KCNJ3: variants seen among roughly 807,000 people sequenced by gnomAD.
KCNJ3 encodes the protein potassium inwardly rectifying channel subfamily J member 3.
KCNJ3 carries 4 observed loss-of-function variants against 39.2 expected under a neutral mutation model. That is an observed-to-expected ratio of 0.10 (90% CI 0.05 to 0.23). The LOEUF (loss-of-function observed/expected upper bound fraction) is 0.23. KCNJ3 is among the 10% of genes least tolerant of loss of function. The pLI, the probability that KCNJ3 is intolerant of heterozygous loss-of-function variation, is 1.00. For missense variants in KCNJ3, 276 were observed against 634.9 expected, an observed-to-expected ratio of 0.43 and a Z score of 6.08; for synonymous variants, 230 against 237.4, an observed-to-expected ratio of 0.97 and a Z score of 0.29.
chr2:154,711,236 G>T (rs1197643937), intron 2 of KCNJ3, among the ~76,000 whole-genome samples: 1 of 151,726 alleles, frequency 6.6e-6, no homozygotes, highest in Non-Finnish European at 1.5e-5. Context: ...ATATATAAAG[G>T]CTCGTAGTCC....
chr2:154,736,572 C>T (rs1685534563), intron 2 of KCNJ3, among the ~76,000 whole-genome samples: 1 of 151,862 alleles, frequency 6.6e-6, no homozygotes, highest in Non-Finnish European at 1.5e-5. Flanking sequence ...GAGGGTTTTA[C>T]AATGTATATA....
chr2:154,830,725 A>C (rs1687347514), intron 2 of KCNJ3, among the ~76,000 whole-genome samples: 1 of 152,052 alleles, frequency 6.6e-6, no homozygotes, highest in Non-Finnish European at 1.5e-5. Flanking sequence ...AATTGTTCTT[A>C]GTTTAATGGC....
intron 2 of KCNJ3, among the ~76,000 whole-genome samples, chr2:154,831,398 C>T (rs951235853): frequency 2.6e-5 from 4 of 152,074 alleles, no homozygotes; most frequent in South Asian, 4.2e-4. Flanking sequence ...TTAATAATTA[C>T]GGTAGTAATA....
chr2:154,734,137 A>G (rs1365365108), intron 2 of KCNJ3, among the ~76,000 whole-genome samples: 1 of 152,232 alleles, frequency 6.6e-6, no homozygotes, highest in Non-Finnish European at 1.5e-5. Flanking sequence ...TTCTAACAGA[A>G]AAGAATATTT....
intron 2 of KCNJ3, among the ~76,000 whole-genome samples, chr2:154,714,334 C>T (rs1037564368): frequency 1.3e-5 from 2 of 150,422 alleles, no homozygotes; most frequent in African/African-American, 5.0e-5. Context: ...ACATTTTCCC[C>T]GCTTTCTCTC....
Position 154,758,798 on chromosome 2 carries a change from T to A in KCNJ3, c.919+48979T>A, listed in dbSNP as rs188379355. Reference sequence around the variant, plus strand: ...AATTGTGACTTGAATCAAATGCTGATCTCCATACTGGATTAAACATTAAAC... The same window carrying A: ...AATTGTGACTTGAATCAAATGCTGAACTCCATACTGGATTAAACATTAAAC... On this transcript the variant is annotated intron_variant, in intron 2 of 2. Coordinates refer to ENST00000295101, the MANE Select transcript of KCNJ3 (RefSeq NM_002239.4). Among the ~76,000 whole-genome samples, 115 of 152,252 alleles carry A rather than the reference T, an allele frequency of 7.6e-4. No homozygotes were observed. In the Middle Eastern group the frequency reaches 0.017, roughly 23 times the overall value.
intron 2 of KCNJ3, among the ~76,000 whole-genome samples, chr2:154,820,948 A>T (rs1298074391): frequency 6.6e-6 from 1 of 152,024 alleles, no homozygotes. Flanking sequence ...GAAACAAGAG[A>T]TTTTATTTTC....
chr2:154,721,224 G>T (rs1225689923), intron 2 of KCNJ3, among the ~76,000 whole-genome samples: 2 of 151,948 alleles, frequency 1.3e-5, no homozygotes, highest in African/African-American at 2.4e-5. Flanking sequence ...CAAAAGGTCA[G>T]GTCTTTTAAG....
intron 2 of KCNJ3, among the ~76,000 whole-genome samples, chr2:154,812,462 T>A (rs960534498): frequency 6.6e-6 from 1 of 152,170 alleles, no homozygotes; most frequent in Non-Finnish European, 1.5e-5. Flanking sequence ...AATCTCTAGC[T>A]AAGCTTTCCT....
chr2:154,758,395 G>A (rs1448302179), intron 2 of KCNJ3, among the ~76,000 whole-genome samples: 1 of 152,036 alleles, frequency 6.6e-6, no homozygotes, highest in Admixed American at 6.6e-5. Flanking sequence ...CAAATATGTG[G>A]GTGCTGAAGT....
intron 2 of KCNJ3, among the ~76,000 whole-genome samples, chr2:154,736,271 T>A (rs1685526885): frequency 6.6e-6 from 1 of 151,064 alleles, no homozygotes; most frequent in South Asian, 2.1e-4. Flanking sequence ...AAACTGAGCC[T>A]ACTTTAATAC....
At chr2:154,777,293 G>A (rs1027438758) in intron 2 of KCNJ3, among the ~76,000 whole-genome samples, 5 of 152,154 alleles carry the variant, frequency 3.3e-5, no homozygotes, top group African/African-American at 7.2e-5. Context: ...GAATATATGT[G>A]TATGTGGTGG....
chr2:154,738,416 T>C (rs1289878825), intron 2 of KCNJ3, among the ~76,000 whole-genome samples: 1 of 152,050 alleles, frequency 6.6e-6, no homozygotes, highest in Non-Finnish European at 1.5e-5. Context: ...ATTTAATGCC[T>C]GTAACTGAAT....
intron 2 of KCNJ3, among the ~76,000 whole-genome samples, chr2:154,826,045 G>A (rs983126512): frequency 1.3e-5 from 2 of 151,952 alleles, no homozygotes; most frequent in African/African-American, 4.8e-5. Flanking sequence ...ACAAATCCTT[G>A]ATAATACTTC....
At chr2:154,731,998 C>G (rs989025852) in intron 2 of KCNJ3, among the ~76,000 whole-genome samples, 4 of 151,854 alleles carry the variant, frequency 2.6e-5, no homozygotes, top group African/African-American at 9.7e-5. Flanking sequence ...TTTACTCACA[C>G]CATCTCCATG....
intron 2 of KCNJ3, among the ~76,000 whole-genome samples, chr2:154,787,085 G>A (rs1018197765): frequency 3.3e-5 from 5 of 152,048 alleles, no homozygotes; most frequent in Non-Finnish European, 7.4e-5. Context: ...AAAAAAGGGT[G>A]TAAATTTAAA....
chr2:154,735,041 A>C (rs1465105932), intron 2 of KCNJ3, among the ~76,000 whole-genome samples: 1 of 150,050 alleles, frequency 6.7e-6, no homozygotes, highest in African/African-American at 2.5e-5. Context: ...GGCTTTAGCT[A>C]TCTAGACTTT....
intron 2 of KCNJ3, among the ~76,000 whole-genome samples, chr2:154,734,331 A>G (rs1685488843): frequency 6.6e-6 from 1 of 152,176 alleles, no homozygotes; most frequent in African/African-American, 2.4e-5. Context: ...CAAAAGGACT[A>G]CTTGCTGGAG....
Position 154,832,233 on chromosome 2 carries a change from C to T in KCNJ3, c.920-22494C>T, listed in dbSNP as rs190802388. Among the ~76,000 whole-genome samples, 526 of 151,982 alleles carry T rather than the reference C, an allele frequency of 3.5e-3. 2 individuals carry two copies. Among genetic ancestry groups the T allele is most frequent in the Middle Eastern group, 6.8e-3 (2 of 294 alleles). ...TATTTGAAGGGTTCAAGTGTCCAAA[C>T]CATAGGAATGGGTTTCAATTTAATT... On this transcript the variant is annotated intron_variant, in intron 2 of 2. Coordinates refer to ENST00000295101, the MANE Select transcript of KCNJ3 (RefSeq NM_002239.4).
Sources: gnomAD v4.1 joint callset for allele counts (sites outside exome capture counted in the v4.1 genomes callset) on GRCh38, gnomAD v4.1.1 for gene constraint, MANE v1.5 for transcripts, NCBI Gene and HGNC (gene_info 2026-07-23, HGNC 2026-07-21) for gene names.